Variants in COL5A2 observed in about 807,000 individuals in gnomAD.
The protein encoded by COL5A2 is collagen alpha-2(V) chain.
A neutral mutation model predicts 208.2 loss-of-function variants in COL5A2; 23 were observed. The ratio of observed to expected loss-of-function variants is 0.11; its 90% confidence interval spans 0.08 to 0.16. The LOEUF (loss-of-function observed/expected upper bound fraction) is 0.16. Among genes scored for constraint, COL5A2 ranks in the 10% least tolerant of loss-of-function variants. COL5A2 has a pLI of 1.00. For synonymous variants in COL5A2, 625 were observed against 628.5 expected (o/e 0.99, Z 0.08); for missense variants, 1,590 against 1,956.4 (o/e 0.81, Z 3.53).
At chr2:189,244,091 C>T in the COL5A2 span, among the ~76,000 whole-genome samples, 1 of 152,160 alleles carries the variant, frequency 6.6e-6, no homozygotes, top group Non-Finnish European at 1.5e-5. Flanking sequence ...GGCCTCCAGG[C>T]CTGTGATGGG....
At chr2:189,151,996 C>A (rs1178202246) in intron 1 of COL5A2, among the ~76,000 whole-genome samples, 1 of 152,146 alleles carries the variant, frequency 6.6e-6, no homozygotes, top group Non-Finnish European at 1.5e-5. Flanking sequence ...AAATTAATCT[C>A]TGTTTTTGAG....
the COL5A2 span, among the ~76,000 whole-genome samples, chr2:189,372,678 T>C: frequency 6.6e-6 from 1 of 152,154 alleles, no homozygotes. Flanking sequence ...AGCCCTTATG[T>C]ATTGTTTAAG....
At chr2:189,335,144 T>A in the COL5A2 span, among the ~76,000 whole-genome samples, 2 of 152,022 alleles carry the variant, frequency 1.3e-5, no homozygotes, top group Admixed American at 1.3e-4. Context: ...TAAGAGAACA[T>A]CTTCACGACC....
At chr2:189,359,764 G>T in the COL5A2 span, among the ~76,000 whole-genome samples, 2 of 151,994 alleles carry the variant, frequency 1.3e-5, no homozygotes, top group Admixed American at 6.6e-5. Context: ...GGTCTAAACA[G>T]GATTTCTATT....
the COL5A2 span, among the ~76,000 whole-genome samples, chr2:189,235,834 T>C: frequency 6.6e-6 from 1 of 151,670 alleles, no homozygotes; most frequent in African/African-American, 2.4e-5. Flanking sequence ...GGCCCTTGAC[T>C]AGCATGTAAG....
chr2:189,378,344 A>G, the COL5A2 span, among the ~76,000 whole-genome samples: 1 of 152,086 alleles, frequency 6.6e-6, no homozygotes, highest in East Asian at 1.9e-4. Context: ...AGATGCCATC[A>G]TTTAGCTTAA....
the COL5A2 span, among the ~76,000 whole-genome samples, chr2:189,235,918 T>C: frequency 4.6e-5 from 7 of 151,476 alleles, no homozygotes; most frequent in Admixed American, 2.6e-4. Flanking sequence ...ACAATGTGGT[T>C]TATGCTGAAC....
chr2:189,293,048 G>A, the COL5A2 span, among the ~76,000 whole-genome samples: 1 of 150,030 alleles, frequency 6.7e-6, no homozygotes, highest in African/African-American at 2.4e-5. Context: ...GGTGGGAATT[G>A]AACAATGAGA....
At chr2:189,242,336 AG>A in the COL5A2 span, among the ~76,000 whole-genome samples, 1 of 152,200 alleles carries the variant, frequency 6.6e-6, no homozygotes, top group South Asian at 2.1e-4. Context: ...CCTGTATGGT[AG>A]GTACTGTTAT....
the COL5A2 span, among the ~76,000 whole-genome samples, chr2:189,364,551 G>C: frequency 6.6e-6 from 1 of 152,132 alleles, no homozygotes; most frequent in African/African-American, 2.4e-5. Context: ...GCCAGGCGTG[G>C]TGGTGGGCAC....
At chr2:189,036,351 G>C (rs1159372500) in intron 52 of COL5A2, among the ~76,000 whole-genome samples, 1 of 152,072 alleles carries the variant, frequency 6.6e-6, no homozygotes, top group Non-Finnish European at 1.5e-5. Flanking sequence ...ACATACATTA[G>C]AGGAACTTAC....
chr2:189,431,426 C>T, the COL5A2 span, among the ~76,000 whole-genome samples: 4 of 151,938 alleles, frequency 2.6e-5, no homozygotes, highest in South Asian at 2.1e-4. Context: ...TAACCCATCA[C>T]AAAAAAAGCT....
At chr2:189,277,233 G>A in the COL5A2 span, among the ~76,000 whole-genome samples, 2 of 151,976 alleles carry the variant, frequency 1.3e-5, no homozygotes, top group African/African-American at 4.8e-5. Flanking sequence ...ACCCAAAATC[G>A]AAAACAAGAA....
At chr2:189,354,228 G>A in the COL5A2 span, among the ~76,000 whole-genome samples, 1 of 152,094 alleles carries the variant, frequency 6.6e-6, no homozygotes, top group Admixed American at 6.6e-5. Context: ...CAGGGATATT[G>A]GCCTGAAATG....
At chr2:189,186,047 C>G (rs1576579584) in intron 1 of COL5A2, among the ~76,000 whole-genome samples, 2 of 151,654 alleles carry the variant, frequency 1.3e-5, no homozygotes, top group African/African-American at 4.9e-5. Context: ...GTCTTGCTCT[C>G]TCACCCAGGC....
intron 1 of COL5A2, among the ~76,000 whole-genome samples, chr2:189,159,055 AC>A (rs377122944): frequency 6.6e-6 from 1 of 152,176 alleles, no homozygotes; most frequent in African/African-American, 2.4e-5. Flanking sequence ...AATTGGTAAA[AC>A]ATTTCTGCAG....
chr2:189,382,194 A>G, the COL5A2 span, among the ~76,000 whole-genome samples: 1 of 152,118 alleles, frequency 6.6e-6, no homozygotes, highest in Non-Finnish European at 1.5e-5. Flanking sequence ...ATAAAAGGTG[A>G]TATACAGCTC....
chr2:189,032,385 C>T lies in COL5A2; in HGVS notation c.*1685G>A, dbSNP rs1685352184. 6.6e-6 allele frequency: 1 copy of T among 152,088 alleles called. No individual in the cohort carries two copies. Among genetic ancestry groups the T allele is most frequent in the South Asian group, 2.1e-4 (1 of 4,834 alleles). 9.4% of individuals were successfully genotyped at this position (152,088 alleles called of 1,614,324 possible). A position where few individuals can be genotyped will look rare whatever the true frequency, so the allele number is the denominator to read the frequency against. On this transcript the variant is annotated 3_prime_UTR_variant, in exon 54 of 54. Coordinates refer to ENST00000374866, the MANE Select transcript of COL5A2 (RefSeq NM_000393.5). ...ATTTTCATTTATAAGCCAGTACATACATGATAGAAGGTATCCGTTGTATCT... is the reference window on the plus strand; with the variant it reads ...ATTTTCATTTATAAGCCAGTACATATATGATAGAAGGTATCCGTTGTATCT...
intron 7 of COL5A2, among the ~76,000 whole-genome samples, chr2:189,090,529 T>C (rs77146202): frequency 0.018 from 2,672 of 152,312 alleles, 23 homozygotes; most frequent in Non-Finnish European, 0.02. Context: ...AGCCTTCTGT[T>C]GGAAGAAGAT....
Sources: allele counts gnomAD v4.1 joint callset (sites outside exome capture counted in the v4.1 genomes callset), GRCh38; gene constraint gnomAD v4.1.1; transcripts MANE v1.5; gene names NCBI Gene and HGNC (gene_info 2026-07-23, HGNC 2026-07-21).